Variants in REPS1 observed in about 807,000 individuals in gnomAD.
The protein encoded by REPS1 is RALBP1 associated Eps domain containing 1, also known as ralBP1-associated Eps domain-containing protein 1.
In REPS1, 39 loss-of-function variants were observed where a neutral mutation model predicts 100.9. That is an observed-to-expected ratio of 0.39 (90% CI 0.30 to 0.50). The LOEUF (loss-of-function observed/expected upper bound fraction) is 0.50, where lower values mean the gene tolerates loss of function less well. Ranked by LOEUF, REPS1 falls within the 20% of genes least tolerant of loss-of-function variation. The probability of loss-of-function intolerance (pLI) is 0.86; values close to 1 mark genes in which losing one functional copy is unlikely to be tolerated. For missense variants in REPS1, 821 were observed against 968.5 expected (o/e 0.85, Z 2.02); for synonymous variants, 324 against 340.3 (o/e 0.95, Z 0.53).
intron 10 of REPS1, among the ~76,000 whole-genome samples, chr6:138,925,463 T>G (rs1781048354): frequency 6.6e-6 from 1 of 152,250 alleles, no homozygotes. Context: ...TCTCTTTAGA[T>G]GACAAGACCA....
At position 138,954,115 on chromosome 6, in the gene REPS1, G is replaced by GA. The variant is rs912634436; in HGVS notation, c.154-6203dup. Among the ~76,000 whole-genome samples the GA allele has an allele frequency of 1.2e-3, 174 of 143,566 alleles. 1 individual carries two copies. Among genetic ancestry groups the GA allele is most frequent in the Middle Eastern group, 3.5e-3 (1 of 286 alleles). 94.2% of individuals were successfully genotyped at this position (143,566 alleles called of 152,430 possible). A position where few individuals can be genotyped will look rare whatever the true frequency, so the allele number is the denominator to read the frequency against. On this transcript the variant is annotated intron_variant, in intron 1 of 19. Coordinates refer to ENST00000450536, the MANE Select transcript of REPS1 (RefSeq NM_001286611.2). ...GAACAGAAAATTAAACTCATATGTGGAAAAAAAAAAAAGTTGATCTCATAG... is the reference window on the plus strand; with the variant it reads ...GAACAGAAAATTAAACTCATATGTGGAAAAAAAAAAAAAGTTGATCTCATAG...
At chr6:138,958,646 A>G (rs2128490438) in intron 1 of REPS1, among the ~76,000 whole-genome samples, 1 of 152,320 alleles carries the variant, frequency 6.6e-6, no homozygotes, top group East Asian at 1.9e-4. Flanking sequence ...ACATTGTAGT[A>G]TACTGCAATT....
Position 138,913,554 on chromosome 6 carries a change from G to A in REPS1, c.1786-604C>T, listed in dbSNP as rs187301875. Among the ~76,000 whole-genome samples, 810 of 152,172 alleles carry A rather than the reference G, an allele frequency of 5.3e-3. 3 individuals carry two copies. The highest frequency in any genetic ancestry group is 8.3e-3 in the Non-Finnish European group (567 of 68,022). ...TAATAAAGCTGACAGTCCGGAGCAG[G>A]AGAAGAGAATAAGTAAATAAGAAAT... On this transcript the variant is annotated intron_variant, in intron 15 of 19. Coordinates refer to ENST00000450536, the MANE Select transcript of REPS1 (RefSeq NM_001286611.2).
At chr6:138,934,703 C>A (rs1754652782) in intron 8 of REPS1, among the ~76,000 whole-genome samples, 1 of 152,126 alleles carries the variant, frequency 6.6e-6, no homozygotes, top group Non-Finnish European at 1.5e-5. Flanking sequence ...TGTTATTAAT[C>A]TTACAGAAAT....
intron 1 of REPS1, among the ~76,000 whole-genome samples, chr6:138,967,653 T>G (rs1003235247): frequency 1.3e-5 from 2 of 152,124 alleles, no homozygotes; most frequent in African/African-American, 4.8e-5. Flanking sequence ...GCAGCAACAC[T>G]TTATACTCAG....
At chr6:138,946,501 G>A (rs1304114195) in intron 2 of REPS1, among the ~76,000 whole-genome samples, 1 of 152,056 alleles carries the variant, frequency 6.6e-6, no homozygotes, top group Non-Finnish European at 1.5e-5. Flanking sequence ...ACCTCCACAT[G>A]AAGGAAGGAA....
chr6:138,981,755 A>C (rs1022261779), intron 1 of REPS1, among the ~76,000 whole-genome samples: 1 of 152,216 alleles, frequency 6.6e-6, no homozygotes, highest in African/African-American at 2.4e-5. Flanking sequence ...TGATTTGTTC[A>C]GGGTTACAAA....
intron 2 of REPS1, among the ~76,000 whole-genome samples, chr6:138,946,406 A>G (rs971195389): frequency 6.6e-6 from 1 of 152,228 alleles, no homozygotes; most frequent in Non-Finnish European, 1.5e-5. Flanking sequence ...TGATACTTTT[A>G]GACCAGAAAA....
Position 138,941,377 on chromosome 6 carries a change from C to T in REPS1, c.1093G>A (p.Glu365Lys). ...TCAATCAGTTTGGGCATTAAGCTTT[C>T]AGGAAGTTTTTCTGGTAAATCATAG... ...NGYDLPEKLP[E>K]SLMPKLIDLE... The change falls in exon 8 of 20, where the codon GAA becomes AAA. Residue 365 changes from glutamate (E) to lysine (K), a missense_variant. Physicochemically the swap from Glu to Lys is moderately conservative, Grantham distance 56. Transcript: ENST00000450536. 6.2e-7 allele frequency: 1 copy of T among 1,614,066 alleles called. No individual in the cohort carries two copies. Among genetic ancestry groups the T allele is most frequent in the Non-Finnish European group, 8.5e-7 (1 of 1,179,998 alleles).
chr6:138,942,147 C>A (rs900430446), intron 7 of REPS1, among the ~76,000 whole-genome samples: 1 of 152,038 alleles, frequency 6.6e-6, no homozygotes, highest in African/African-American at 2.4e-5. Flanking sequence ...ACCCGGCTGA[C>A]ATGTACGTAC....
At chr6:138,929,881 T>G in intron 9 of REPS1, 96 bp downstream of exon 9, 1 of 1,187,622 alleles carries the variant, frequency 8.4e-7, no homozygotes, top group Admixed American at 1.9e-5. Flanking sequence ...CAATTATGCA[T>G]GCATGCTGGA....
intron 1 of REPS1, among the ~76,000 whole-genome samples, chr6:138,967,235 C>CT (rs900987260): frequency 6.6e-6 from 1 of 152,094 alleles, no homozygotes; most frequent in Admixed American, 6.6e-5. Context: ...AAGAAATAAA[C>CT]TTTTTTTTCA....
intron 9 of REPS1, chr6:138,929,393 T>C (rs1187173669): frequency 1.3e-5 from 2 of 152,196 alleles, no homozygotes; most frequent in African/African-American, 4.8e-5. Flanking sequence ...TGTCCCAAAT[T>C]CCATTTTGCA....
intron 1 of REPS1, among the ~76,000 whole-genome samples, chr6:138,955,142 A>C (rs1482645801): frequency 6.6e-6 from 1 of 152,126 alleles, no homozygotes; most frequent in South Asian, 2.1e-4. Flanking sequence ...TAGAAATGGA[A>C]TATGCTTTAA....
intron 8 of REPS1, among the ~76,000 whole-genome samples, chr6:138,932,200 G>A (rs948155192): frequency 3.3e-5 from 5 of 152,106 alleles, no homozygotes; most frequent in African/African-American, 1.2e-4. Flanking sequence ...CTAGCTGCTT[G>A]AGGCTGCAAA....
chr6:138,928,521 C>T (rs925456566), intron 9 of REPS1: 1 of 151,942 alleles, frequency 6.6e-6, no homozygotes, highest in Non-Finnish European at 1.5e-5. Flanking sequence ...CATTCATGAC[C>T]TCATTACCAA....
At chr6:138,976,573 T>C (rs949510176) in intron 1 of REPS1, among the ~76,000 whole-genome samples, 2 of 152,218 alleles carry the variant, frequency 1.3e-5, no homozygotes, top group African/African-American at 4.8e-5. Context: ...TACTTCAAAC[T>C]TGCATTATTC....
At chr6:138,926,654 A>T (rs1781144201) in intron 9 of REPS1, 173 bp from the exon 10 acceptor site, 2 of 579,194 alleles carry the variant, frequency 3.5e-6, no homozygotes, top group African/African-American at 1.9e-5. Flanking sequence ...ATTCTGGGTC[A>T]CTTGTAATGT....
chr6:138,979,205 A>C (rs903368770), intron 1 of REPS1, among the ~76,000 whole-genome samples: 9 of 150,586 alleles, frequency 6.0e-5, no homozygotes, highest in Non-Finnish European at 1.2e-4. Flanking sequence ...AAACAAAAAA[A>C]AAAAACTGAA....
Sources: allele counts gnomAD v4.1 joint callset (sites outside exome capture counted in the v4.1 genomes callset), GRCh38; gene constraint gnomAD v4.1.1; transcripts MANE v1.5; gene names NCBI Gene and HGNC (gene_info 2026-07-23, HGNC 2026-07-21).